LRP1B: variants seen among roughly 807,000 people sequenced by gnomAD.
LRP1B encodes the protein LDL receptor related protein 1B.
A neutral mutation model predicts 556.6 loss-of-function variants in LRP1B; 217 were observed. The ratio of observed to expected loss-of-function variants is 0.39; its 90% CI spans 0.35 to 0.44. LRP1B has a LOEUF of 0.44. Ranked by LOEUF, LRP1B falls within the 20% of genes least tolerant of loss-of-function variation. The pLI is 1.00. For missense variants in LRP1B, 5,053 were observed against 5,620.8 expected (o/e 0.90, Z 3.23); for synonymous variants, 2,047 against 1,865.8 (o/e 1.10, Z -2.50).
At chr2:140,330,460 C>T (rs145269087) in intron 79 of LRP1B, among the ~76,000 whole-genome samples, 1 of 150,668 alleles carries the variant, frequency 6.6e-6, no homozygotes, top group Non-Finnish European at 1.5e-5. Context: ...CTGACAAAAA[C>T]AAGCAATGGG....
intron 2 of LRP1B, among the ~76,000 whole-genome samples, chr2:141,653,426 A>G (rs1185220396): frequency 6.6e-6 from 1 of 152,192 alleles, no homozygotes; most frequent in Non-Finnish European, 1.5e-5. Context: ...TAGAAAAGAA[A>G]GCAACAACTC....
At chr2:141,474,964 T>C (rs1052863963) in intron 3 of LRP1B, among the ~76,000 whole-genome samples, 1 of 152,188 alleles carries the variant, frequency 6.6e-6, no homozygotes, top group African/African-American at 2.4e-5. Flanking sequence ...CTTTTGCTAG[T>C]GATATAAAAG....
chr2:141,995,164 A>G (rs1702453576), intron 1 of LRP1B, among the ~76,000 whole-genome samples: 1 of 152,168 alleles, frequency 6.6e-6, no homozygotes, highest in Non-Finnish European at 1.5e-5. Flanking sequence ...TTCAAGCAAC[A>G]CGAATTTATT....
chr2:141,007,228 C>T (rs1697601332), intron 14 of LRP1B, among the ~76,000 whole-genome samples: 2 of 151,610 alleles, frequency 1.3e-5, no homozygotes, highest in Non-Finnish European at 1.5e-5. Context: ...ATGTGCTATA[C>T]GGAGGATAAT....
intron 71 of LRP1B, among the ~76,000 whole-genome samples, chr2:140,367,366 A>G (rs900964742): frequency 6.6e-5 from 10 of 151,926 alleles, no homozygotes; most frequent in Admixed American, 2.0e-4. Context: ...AATGCTTAGC[A>G]GAACTGGTAC....
At chr2:142,084,894 G>T (rs543958780) in intron 1 of LRP1B, among the ~76,000 whole-genome samples, 5 of 152,204 alleles carry the variant, frequency 3.3e-5, no homozygotes, top group African/African-American at 1.2e-4. Context: ...CCTATCTAAA[G>T]AATACATGTG....
chr2:140,679,328 C>T (rs1685782483), intron 41 of LRP1B, among the ~76,000 whole-genome samples: 1 of 152,140 alleles, frequency 6.6e-6, no homozygotes, highest in Non-Finnish European at 1.5e-5. Flanking sequence ...TAATTCAGCT[C>T]ATAACAATTT....
intron 3 of LRP1B, among the ~76,000 whole-genome samples, chr2:141,414,376 G>GGAGC (rs1691003766): frequency 5.3e-5 from 2 of 37,436 alleles, no homozygotes; most frequent in African/African-American, 1.1e-4. Flanking sequence ...CGGAAAGGAG[G>GGAGC]GAGGGAGGGA....
In LRP1B at chr2:140,907,941, C is replaced by A. The variant is rs201181967; in HGVS notation, c.3456G>T (p.Gln1152His). 4 of 1,613,610 alleles carry A rather than the reference C, an allele frequency of 2.5e-6. No homozygotes were observed. The highest frequency in any genetic ancestry group is 3.3e-5 in the Admixed American group (2 of 59,930). ...PCANDTSVCL[Q>H]PEKLCNGKKD... ...TTTTCCCATTGCAGAGTTTCTCTGG[C>A]TGCAGGCAGACTGAGGTGTCATTAG... Residue 1152 changes from glutamine to histidine, a missense_variant, in exon 22 of 91, where the codon CAG (glutamine) becomes CAT (histidine). Coordinates refer to ENST00000389484, the MANE Select transcript of LRP1B (RefSeq NM_018557.3).
intron 47 of LRP1B, among the ~76,000 whole-genome samples, chr2:140,526,888 AG>A (rs1361589024): frequency 1.3e-5 from 2 of 151,768 alleles, no homozygotes; most frequent in Admixed American, 1.3e-4. Context: ...AGAGATGGGC[AG>A]GGGGGAACCA....
At chr2:141,929,494 A>G (rs1181657224) in intron 1 of LRP1B, among the ~76,000 whole-genome samples, 1 of 152,034 alleles carries the variant, frequency 6.6e-6, no homozygotes, top group Non-Finnish European at 1.5e-5. Flanking sequence ...AAAAGACAGA[A>G]GCACAACCAC....
chr2:141,912,043 A>G (rs1029942573), intron 1 of LRP1B, among the ~76,000 whole-genome samples: 8 of 152,050 alleles, frequency 5.3e-5, no homozygotes, highest in African/African-American at 1.9e-4. Flanking sequence ...TATGTAATGG[A>G]CCGCCATATA....
At chr2:141,014,029 C>T (rs757623829) in intron 13 of LRP1B, among the ~76,000 whole-genome samples, 7 of 151,908 alleles carry the variant, frequency 4.6e-5, no homozygotes, top group South Asian at 2.1e-4. Flanking sequence ...ACGAAAAATA[C>T]GGTTAAGAAT....
At chr2:141,635,303 C>A (rs1179358694) in intron 2 of LRP1B, among the ~76,000 whole-genome samples, 1 of 151,956 alleles carries the variant, frequency 6.6e-6, no homozygotes, top group African/African-American at 2.4e-5. Flanking sequence ...AACCATACAT[C>A]CTTAACTAGA....
rs2105348330 is a variant in LRP1B, at chr2:140,475,356, A to T, written c.9426-19T>A. The T allele has an allele frequency of 6.5e-7, 1 of 1,538,466 alleles. No individual in the cohort carries two copies. The highest frequency in any genetic ancestry group is 8.8e-7 in the Non-Finnish European group (1 of 1,132,022). On this transcript the variant is annotated intron_variant, in intron 59 of 90. Transcript: ENST00000389484. ...CAAATATCTAGGAAAGAAAATCAATACTGATTTTGTTTACAGATTCTCTGG... is the reference window on the plus strand; with the variant it reads ...CAAATATCTAGGAAAGAAAATCAATTCTGATTTTGTTTACAGATTCTCTGG...
intron 1 of LRP1B, among the ~76,000 whole-genome samples, chr2:141,869,377 A>G (rs1041659828): frequency 6.6e-6 from 1 of 151,876 alleles, no homozygotes. Flanking sequence ...TAAATATTCA[A>G]CTTCAGAATA....
At chr2:141,132,241 G>A (rs534654472) in intron 7 of LRP1B, among the ~76,000 whole-genome samples, 113 of 152,038 alleles carry the variant, frequency 7.4e-4, no homozygotes, top group Middle Eastern at 6.8e-3. Flanking sequence ...TGAGGTATTT[G>A]GATTATGGGG....
chr2:141,833,986 A>G (rs1377875826), intron 1 of LRP1B, among the ~76,000 whole-genome samples: 1 of 146,768 alleles, frequency 6.8e-6, no homozygotes, highest in Non-Finnish European at 1.5e-5. Context: ...AGTAAAGGGC[A>G]TTGCAGAAAG....
chr2:142,063,087 C>A (rs576985581), intron 1 of LRP1B, among the ~76,000 whole-genome samples: 2 of 146,888 alleles, frequency 1.4e-5, no homozygotes, highest in Admixed American at 1.4e-4. Context: ...TTTAAAAACA[C>A]TAACAGTACC....
Sources: gnomAD v4.1 joint callset for allele counts (sites outside exome capture counted in the v4.1 genomes callset) on GRCh38, gnomAD v4.1.1 for gene constraint, MANE v1.5 for transcripts, NCBI Gene and HGNC (gene_info 2026-07-23, HGNC 2026-07-21) for gene names.